The following MPDZ variants were observed in gnomAD, a reference collection of about 807,000 sequenced individuals.
MPDZ encodes multiple PDZ domain crumbs cell polarity complex component, also known as multiple PDZ domain protein.
A neutral mutation model predicts 239.1 loss-of-function variants in MPDZ; 234 were observed. The ratio of observed to expected loss-of-function variants is 0.98; its 90% CI spans 0.88 to 1.09. MPDZ has a LOEUF of 1.09. MPDZ is among the 50% of genes least tolerant of loss of function. The probability of loss-of-function intolerance (pLI) is 0.00; values close to 1 mark genes in which losing one functional copy is unlikely to be tolerated. For synonymous variants in MPDZ, 1,048 were observed against 881.3 expected, an observed-to-expected ratio of 1.19 and a Z score of -3.35; for missense variants, 3,175 against 2,510.0, an observed-to-expected ratio of 1.26 and a Z score of -5.66.
At chr9:13,187,462 A>T (rs1037726784) in intron 17 of MPDZ, among the ~76,000 whole-genome samples, 1 of 152,156 alleles carries the variant, frequency 6.6e-6, no homozygotes, top group South Asian at 2.1e-4. Context: ...CTGATAGCCT[A>T]TCTTTATTCT....
At chr9:13,162,542 T>C (rs1460619726) in intron 23 of MPDZ, 149 bp downstream of exon 23, 2 of 393,360 alleles carry the variant, frequency 5.1e-6, no homozygotes, top group African/African-American at 4.1e-5. Flanking sequence ...ACTTATATAA[T>C]TGAGGGAAAG....
At chr9:13,168,300 A>G (rs1385167135) in intron 22 of MPDZ, 66 bp downstream of exon 22, 1 of 1,466,112 alleles carries the variant, frequency 6.8e-7, no homozygotes, top group African/African-American at 1.4e-5. Flanking sequence ...GAATACTGAA[A>G]AAGAATTCTG....
rs928331071 is a variant in MPDZ at position 13,119,532 on chromosome 9, G to A, written c.5349C>T (p.Ala1783=). 3 of 1,612,846 alleles carry A rather than the reference G, an allele frequency of 1.9e-6. No individual in the cohort carries two copies. The Admixed American group carries it at 5.0e-5, about 27-fold the overall frequency. Residue 1783 remains alanine (A), a synonymous_variant, in exon 39 of 47, where the codon GCC becomes GCT. Transcript: ENST00000319217. ...LMVNGEDVRN[A]TQEAVAALLK... is the part of the protein sequence containing the mutation. Reference sequence around the variant, plus strand: ...GCAAAGCGGCAACCGCTTCTTGGGTGGCATTACGAACGTCTTCCCCATTCA... The same window carrying A: ...GCAAAGCGGCAACCGCTTCTTGGGTAGCATTACGAACGTCTTCCCCATTCA...
chr9:13,223,741 T>A (rs1025691172), intron 4 of MPDZ, 31 bp from the exon 5 acceptor site: 1 of 1,550,058 alleles, frequency 6.5e-7, no homozygotes, highest in Admixed American at 2.0e-5. Flanking sequence ...GAAATAAAAC[T>A]AAAAGCCAGG....
Position 13,198,737 on chromosome 9 carries a change from CTGTG to C in MPDZ, c.1547-2511_1547-2508del, listed in dbSNP as rs1554691393. Among the ~76,000 whole-genome samples the C allele has an allele frequency of 7.4e-4, 52 of 69,806 alleles. 2 individuals are homozygous for C. Among genetic ancestry groups the C allele is most frequent in the South Asian group, 5.3e-3 (11 of 2,094 alleles). The allele number at this position is 69,806 out of a possible 152,430, so 45.8% of individuals were successfully genotyped here. On this transcript the variant is annotated intron_variant, in intron 12 of 46. Transcript: ENST00000319217. Reference sequence around the variant, plus strand: ...ATATTTAGGTCTTTAATCTCTCTCTCTGTGTGTGTGTGTGTGTGTGTGTGTGTGT... The same window carrying C: ...ATATTTAGGTCTTTAATCTCTCTCTCTGTGTGTGTGTGTGTGTGTGTGTGT...
At chr9:13,198,733 C>CTGTGTGTGTGTGTGTGTGTG (rs746268904) in intron 12 of MPDZ, among the ~76,000 whole-genome samples, 17 of 89,508 alleles carry the variant, frequency 1.9e-4, no homozygotes, top group African/African-American at 4.8e-4. Flanking sequence ...TTTAATCTCT[C>CTGTGTGTGTGTGTGTGTGTG]TCTCTGTGTG....
Position 13,224,600 on chromosome 9 carries a change from G to A in MPDZ, c.184-17C>T. 1 of 1,512,920 alleles carries A rather than the reference G, an allele frequency of 6.6e-7. No homozygotes were observed. Among genetic ancestry groups the A allele is most frequent in the Non-Finnish European group, 9.1e-7 (1 of 1,102,808 alleles). The allele number at this position is 1,512,920 out of a possible 1,614,324, so 93.7% of individuals were successfully genotyped here. A position where few individuals can be genotyped will look rare whatever the true frequency, so the allele number is the denominator to read the frequency against. On this transcript the variant is annotated splice_polypyrimidine_tract_variant and intron_variant, in intron 3 of 46. Coordinates refer to ENST00000319217, the MANE Select transcript of MPDZ (RefSeq NM_001378778.1). ...AATATTTACCTAAGAGTAATGCAGG[G>A]ATTATTAAGAATTTTGACATTCCAT...
At chr9:13,265,741 A>C (rs1971650873) in intron 1 of MPDZ, among the ~76,000 whole-genome samples, 1 of 152,102 alleles carries the variant, frequency 6.6e-6, no homozygotes, top group Non-Finnish European at 1.5e-5. Context: ...ATTTTCATTG[A>C]CTTTGTGAGA....
At chr9:13,276,356 T>C (rs568428948) in intron 1 of MPDZ, among the ~76,000 whole-genome samples, 2 of 152,332 alleles carry the variant, frequency 1.3e-5, no homozygotes, top group African/African-American at 4.8e-5. Flanking sequence ...TCACAGTATA[T>C]CAATTTTACC....
chr9:13,136,320 G>GTTTTTTTTTTTTT lies in MPDZ; in HGVS notation c.4293-139_4293-138insAAAAAAAAAAAAA, dbSNP rs1444109820. The GTTTTTTTTTTTTT allele has an allele frequency of 1.6e-3, 303 of 194,566 alleles. 28 individuals carry two copies. The highest frequency in any genetic ancestry group is 7.1e-3 in the African/African-American group (107 of 15,132). 12.1% of individuals were successfully genotyped at this position (194,566 alleles called of 1,614,324 possible). ...CTGTGACACTTACAAATTTACAAAC[G>GTTTTTTTTTTTTT]TTTTCTTTTTTTTTTTTTTTTTTTT... On this transcript the variant is annotated intron_variant, in intron 30 of 46. Transcript: ENST00000319217.
At chr9:13,257,304 C>T (rs144133242) in intron 1 of MPDZ, among the ~76,000 whole-genome samples, 2 of 152,128 alleles carry the variant, frequency 1.3e-5, no homozygotes, top group African/African-American at 2.4e-5. Context: ...ACAATAGCCT[C>T]CCGTGCCTGA....
At chr9:13,252,476 G>A (rs1160432496) in intron 1 of MPDZ, among the ~76,000 whole-genome samples, 1 of 149,992 alleles carries the variant, frequency 6.7e-6, no homozygotes, top group African/African-American at 2.5e-5. Flanking sequence ...TGAGACAGGA[G>A]AATCACTTGA....
chr9:13,136,663 G>T (rs757894509), intron 30 of MPDZ, 49 bp downstream of exon 30: 18 of 1,188,808 alleles, frequency 1.5e-5, no homozygotes, highest in Non-Finnish European at 2.0e-5. Flanking sequence ...ACTCAGAGAA[G>T]AAATGCTAAC....
At chr9:13,163,407 G>C (rs1261893072) in intron 22 of MPDZ, among the ~76,000 whole-genome samples, 1 of 152,002 alleles carries the variant, frequency 6.6e-6, no homozygotes, top group Non-Finnish European at 1.5e-5. Flanking sequence ...AATTCACTTT[G>C]GTCTCAAAGA....
chr9:13,211,935 A>C (rs1564041040), intron 10 of MPDZ, among the ~76,000 whole-genome samples: 1 of 152,104 alleles, frequency 6.6e-6, no homozygotes, highest in Non-Finnish European at 1.5e-5. Flanking sequence ...AACCTTAAAG[A>C]CAAAAATTAA....
In MPDZ at chr9:13,168,407, T is replaced by A; in HGVS notation, c.3213A>T (p.Arg1071=). ...STISVTNAQA[R]AMLRRHSLIG... ...TGAGAGAATGTCTTCTCAACATAGCTCGTGCCTGGGCATTGGTTACACTGA... is the reference window on the plus strand; with the variant it reads ...TGAGAGAATGTCTTCTCAACATAGCACGTGCCTGGGCATTGGTTACACTGA... The change falls in exon 22 of 47, where the codon CGA becomes CGT. Residue 1071 remains arginine, a synonymous_variant. Transcript: ENST00000319217. 6.2e-7 allele frequency: 1 copy of A among 1,613,532 alleles called. No homozygotes were observed. The highest frequency in any genetic ancestry group is 8.5e-7 in the Non-Finnish European group (1 of 1,179,568).
At chr9:13,140,919 G>C (rs537952004) in intron 27 of MPDZ, 7 of 152,120 alleles carry the variant, frequency 4.6e-5, no homozygotes, top group South Asian at 2.1e-4. Context: ...GTCTACCAGA[G>C]AGCCAGTTTG....
chr9:13,115,368 T>A (rs1943238185), intron 39 of MPDZ, 34 bp from the exon 40 acceptor site: 1 of 1,518,504 alleles, frequency 6.6e-7, no homozygotes, highest in Non-Finnish European at 9.1e-7. Context: ...TTTATGGAAA[T>A]GTTTAAATAA....
chr9:13,236,235 ATGTGTG>A (rs1283618375), intron 3 of MPDZ, among the ~76,000 whole-genome samples: 1 of 23,976 alleles, frequency 4.2e-5, no homozygotes, highest in Non-Finnish European at 8.5e-5. Flanking sequence ...GTATATGTAT[ATGTGTG>A]TGTGTGTGTA....
Sources: gnomAD v4.1 joint callset for allele counts (sites outside exome capture counted in the v4.1 genomes callset) on GRCh38, gnomAD v4.1.1 for gene constraint, MANE v1.5 for transcripts, NCBI Gene and HGNC (gene_info 2026-07-23, HGNC 2026-07-21) for gene names.